Variants in KCNH1 observed in about 807,000 individuals in gnomAD.
KCNH1 encodes the protein potassium voltage-gated channel subfamily H member 1.
KCNH1 carries 27 observed loss-of-function variants against 69.2 expected under a neutral mutation model. That is an observed-to-expected ratio of 0.39 (90% CI 0.29 to 0.54). KCNH1 has a LOEUF of 0.54. Ranked by LOEUF, KCNH1 falls within the 20% of genes least tolerant of loss-of-function variation. The pLI is 0.68. For missense variants in KCNH1, 798 were observed against 1,261.6 expected (o/e 0.63, Z 5.57); for synonymous variants, 456 against 487.7 (o/e 0.93, Z 0.86).
intron 5 of KCNH1, among the ~76,000 whole-genome samples, chr1:211,058,512 C>A (rs1208182983): frequency 6.6e-6 from 1 of 152,046 alleles, no homozygotes; most frequent in African/African-American, 2.4e-5. Context: ...ATTGTTTATG[C>A]AATCAACATT....
intron 2 of KCNH1, 100 bp from the exon 3 acceptor site, chr1:211,103,702 T>C: frequency 1.4e-6 from 1 of 708,260 alleles, no homozygotes; most frequent in South Asian, 2.0e-5. Flanking sequence ...TGCTATGTAC[T>C]GTGGAACACA....
chr1:210,933,572 A>C (rs1293308206), intron 6 of KCNH1, among the ~76,000 whole-genome samples: 1 of 152,116 alleles, frequency 6.6e-6, no homozygotes, highest in Non-Finnish European at 1.5e-5. Context: ...GACTAAAAAC[A>C]TACAAAAAAT....
Position 210,684,073 on chromosome 1 carries a change from C to T in KCNH1, c.2178G>A (p.Glu726=). 1 of 1,520,574 alleles carries T rather than the reference C, an allele frequency of 6.6e-7. No individual in the cohort carries two copies. Among genetic ancestry groups the T allele is most frequent in the South Asian group, 1.3e-5 (1 of 75,780 alleles). The allele number at this position is 1,520,574 out of a possible 1,614,324, so 94.2% of individuals were successfully genotyped here. A position where few individuals can be genotyped will look rare whatever the true frequency, so the allele number is the denominator to read the frequency against. Residue 726 remains glutamate, a synonymous_variant, in exon 11 of 11, where the codon GAG becomes GAA. Transcript: ENST00000271751. ...GGTCCGGGGGCAAGATCAGGGGGGC[C>T]TCATTCTTTCGTTTCATGCGTTCTT... ...EEEERMKRKN[E]APLILPPDHP...
chr1:211,017,555 G>A (rs1689514679), intron 6 of KCNH1, among the ~76,000 whole-genome samples: 1 of 151,990 alleles, frequency 6.6e-6, no homozygotes. Context: ...TAATCCATCT[G>A]GAATGTCCAC....
intron 5 of KCNH1, among the ~76,000 whole-genome samples, chr1:211,027,305 A>G (rs1182041797): frequency 6.6e-6 from 1 of 152,216 alleles, no homozygotes; most frequent in Non-Finnish European, 1.5e-5. Flanking sequence ...TCCAATGGAT[A>G]GGCTCAAAAG....
chr1:211,014,795 T>G (rs968093824), intron 6 of KCNH1, among the ~76,000 whole-genome samples: 1 of 152,156 alleles, frequency 6.6e-6, no homozygotes, highest in African/African-American at 2.4e-5. Flanking sequence ...ATAATTTGTT[T>G]CTCTGCACAC....
chr1:210,716,881 G>A (rs1405233745), intron 10 of KCNH1, among the ~76,000 whole-genome samples: 1 of 152,176 alleles, frequency 6.6e-6, no homozygotes, highest in Non-Finnish European at 1.5e-5. Flanking sequence ...TGGGGCTAGA[G>A]GTTCTAGCCC....
At chr1:211,090,260 T>C (rs2102472782) in intron 4 of KCNH1, among the ~76,000 whole-genome samples, 1 of 152,338 alleles carries the variant, frequency 6.6e-6, no homozygotes, top group Middle Eastern at 3.4e-3. Flanking sequence ...ATGTGAAAAC[T>C]TGAAAAGATT....
chr1:211,025,155 G>T (rs1267734805), intron 5 of KCNH1, among the ~76,000 whole-genome samples: 2 of 152,178 alleles, frequency 1.3e-5, no homozygotes, highest in Non-Finnish European at 2.9e-5. Flanking sequence ...AAGCCAAGCT[G>T]GAAGGGACTC....
intron 5 of KCNH1, among the ~76,000 whole-genome samples, chr1:211,078,944 A>C (rs1351196199): frequency 6.6e-6 from 1 of 151,238 alleles, no homozygotes; most frequent in Non-Finnish European, 1.5e-5. Flanking sequence ...AAAAGAAAGA[A>C]AGAAAGAAAT....
At chr1:210,859,606 T>A (rs1012250078) in intron 7 of KCNH1, 1 of 1,440,170 alleles carries the variant, frequency 6.9e-7, no homozygotes, top group African/African-American at 1.4e-5. Flanking sequence ...GGTTTCATCA[T>A]CATATTCAGC....
intron 10 of KCNH1, among the ~76,000 whole-genome samples, chr1:210,727,290 A>T (rs1682621717): frequency 6.6e-6 from 1 of 152,194 alleles, no homozygotes; most frequent in Non-Finnish European, 1.5e-5. Flanking sequence ...CATGGTAAGT[A>T]TTTGACAGTT....
chr1:210,747,062 C>G (rs1165422749), intron 10 of KCNH1, among the ~76,000 whole-genome samples: 1 of 152,130 alleles, frequency 6.6e-6, no homozygotes, highest in African/African-American at 2.4e-5. Flanking sequence ...CACACTGCAA[C>G]AGGGGAAGAG....
rs1681212099 is a variant in KCNH1 at position 210,679,391 on chromosome 1, C to T, written c.*3890G>A. 6.6e-6 allele frequency: 1 copy of T among 152,148 alleles called. No individual in the cohort carries two copies. The highest frequency in any genetic ancestry group is 1.5e-5 in the Non-Finnish European group (1 of 68,026). 9.4% of individuals were successfully genotyped at this position (152,148 alleles called of 1,614,324 possible). A position where few individuals can be genotyped will look rare whatever the true frequency, so the allele number is the denominator to read the frequency against. ...GTCTTAAGGCTAAACGTCTTTATTG[C>T]AAGACATAGTAAAACCTATTAATCA... On this transcript the variant is annotated 3_prime_UTR_variant, in exon 11 of 11. Transcript: ENST00000271751.
intron 7 of KCNH1, among the ~76,000 whole-genome samples, chr1:210,877,874 C>T (rs1686411879): frequency 2.0e-5 from 3 of 152,084 alleles, no homozygotes; most frequent in South Asian, 4.1e-4. Context: ...AATTAATGAT[C>T]TCTTTCCTTC....
intron 5 of KCNH1, among the ~76,000 whole-genome samples, chr1:211,071,332 T>C (rs1690638624): frequency 6.6e-6 from 1 of 151,236 alleles, no homozygotes; most frequent in Non-Finnish European, 1.5e-5. Flanking sequence ...CTAAACACGA[T>C]AAAAAAAAAC....
intron 7 of KCNH1, among the ~76,000 whole-genome samples, chr1:210,906,411 G>A (rs924570): frequency 0.3 from 46,156 of 151,884 alleles, 7,503 homozygotes; most frequent in African/African-American, 0.41. Flanking sequence ...CAGATATCAC[G>A]GTTCAACACC....
chr1:210,964,661 T>A (rs542838398), intron 6 of KCNH1, among the ~76,000 whole-genome samples: 23 of 152,268 alleles, frequency 1.5e-4, no homozygotes, highest in African/African-American at 5.1e-4. Context: ...ACAGCCAAAT[T>A]CTACCAGAGA....
chr1:210,738,152 C>T (rs1455665632), intron 10 of KCNH1, among the ~76,000 whole-genome samples: 1 of 152,200 alleles, frequency 6.6e-6, no homozygotes, highest in East Asian at 1.9e-4. Flanking sequence ...TCAGACACCT[C>T]AGGGCCTTTG....
Sources: allele counts gnomAD v4.1 joint callset (sites outside exome capture counted in the v4.1 genomes callset), GRCh38; gene constraint gnomAD v4.1.1; transcripts MANE v1.5; gene names NCBI Gene and HGNC (gene_info 2026-07-23, HGNC 2026-07-21).